GALNT13: variants seen among roughly 807,000 people sequenced by gnomAD.
The protein encoded by GALNT13 is polypeptide N-acetylgalactosaminyltransferase 13, also known as UDP-GalNAc:polypeptide N-acetylgalactosaminyltransferase 13.
A neutral mutation model predicts 64.2 loss-of-function variants in GALNT13; 28 were observed. The observed-to-expected ratio is 0.44, with a 90% CI of 0.32 to 0.60. The LOEUF (loss-of-function observed/expected upper bound fraction) is 0.60. Ranked by LOEUF, GALNT13 falls within the 20% of genes least tolerant of loss-of-function variation. The pLI is 0.05. For missense variants in GALNT13, 577 were observed against 669.8 expected (o/e 0.86, Z 1.53); for synonymous variants, 214 against 224.6 (o/e 0.95, Z 0.42).
At chr2:153,537,002 T>G in the GALNT13 span, among the ~76,000 whole-genome samples, 9 of 152,234 alleles carry the variant, frequency 5.9e-5, no homozygotes, top group Non-Finnish European at 8.8e-5. Flanking sequence ...GGGAAATCAC[T>G]GCGAGAACTT....
chr2:153,470,433 G>A, the GALNT13 span, among the ~76,000 whole-genome samples: 18 of 152,296 alleles, frequency 1.2e-4, no homozygotes, highest in African/African-American at 4.1e-4. Flanking sequence ...ATTGACACAA[G>A]ATGCCAACTG....
At chr2:153,089,459 G>T in the GALNT13 span, among the ~76,000 whole-genome samples, 1 of 152,106 alleles carries the variant, frequency 6.6e-6, no homozygotes, top group Non-Finnish European at 1.5e-5. Flanking sequence ...TGTAGGTGAA[G>T]ATCTTTTTGT....
At chr2:154,200,665 G>A (rs1401770524) in intron 4 of GALNT13, among the ~76,000 whole-genome samples, 2 of 152,140 alleles carry the variant, frequency 1.3e-5, no homozygotes, top group African/African-American at 4.8e-5. Context: ...AGAGGGCCAA[G>A]TATTGTGTGA....
chr2:154,446,770 G>T, intron 12 of GALNT13: 1 of 1,486,570 alleles, frequency 6.7e-7, no homozygotes. Flanking sequence ...TTGGAGGTTT[G>T]TGTTGCAGAT....
At chr2:153,805,327 T>C in the GALNT13 span, among the ~76,000 whole-genome samples, 1 of 152,038 alleles carries the variant, frequency 6.6e-6, no homozygotes, top group Admixed American at 6.5e-5. Flanking sequence ...CAATAATTTA[T>C]TCCAAAACGA....
chr2:153,641,649 G>T, the GALNT13 span, among the ~76,000 whole-genome samples: 1 of 152,034 alleles, frequency 6.6e-6, no homozygotes, highest in Non-Finnish European at 1.5e-5. Flanking sequence ...TCTCAGAGCA[G>T]CACTGTTAAT....
the GALNT13 span, among the ~76,000 whole-genome samples, chr2:153,821,982 C>T: frequency 2.3e-4 from 35 of 152,230 alleles, 1 homozygote; most frequent in African/African-American, 7.2e-4. Context: ...AGAAAATCTA[C>T]AGAAAATGGA....
At chr2:153,607,351 A>C in the GALNT13 span, among the ~76,000 whole-genome samples, 1 of 152,096 alleles carries the variant, frequency 6.6e-6, no homozygotes, top group African/African-American at 2.4e-5. Context: ...AATAAATATA[A>C]GGTAAAGTCA....
chr2:153,870,051 A>G (rs561719937), upstream of GALNT13, among the ~76,000 whole-genome samples: 12 of 152,050 alleles, frequency 7.9e-5, 1 homozygote, highest in Middle Eastern at 3.4e-3. Flanking sequence ...CACACCAGAC[A>G]AGTGAGTGAA....
chr2:154,028,688 A>T (rs1277971605), intron 3 of GALNT13, among the ~76,000 whole-genome samples: 1 of 152,120 alleles, frequency 6.6e-6, no homozygotes, highest in Admixed American at 6.6e-5. Context: ...TTATATTTTA[A>T]TCAAGGCTTT....
the GALNT13 span, among the ~76,000 whole-genome samples, chr2:153,783,956 A>G: frequency 0.012 from 1,770 of 152,288 alleles, 43 homozygotes; most frequent in African/African-American, 0.04. Flanking sequence ...AGTGACTCAT[A>G]CAGTAAACTG....
chr2:154,155,764 T>G lies in GALNT13; in HGVS notation c.311+15259T>G, dbSNP rs552282048. Among the ~76,000 whole-genome samples, 9 of 152,074 alleles carry G rather than the reference T, an allele frequency of 5.9e-5. 1 individual carries two copies. The highest frequency in any genetic ancestry group is 2.2e-4 in the African/African-American group (9 of 41,538). Reference sequence around the variant, plus strand: ...TGCTGTTTAAATTAGAAAATTTATATTTGGACTTTGAATTTTAATATTTAA... The same window carrying G: ...TGCTGTTTAAATTAGAAAATTTATAGTTGGACTTTGAATTTTAATATTTAA... On this transcript the variant is annotated intron_variant, in intron 4 of 12. Coordinates refer to ENST00000392825, the MANE Select transcript of GALNT13 (RefSeq NM_052917.4).
chr2:153,655,245 T>G, the GALNT13 span, among the ~76,000 whole-genome samples: 1 of 152,240 alleles, frequency 6.6e-6, no homozygotes, highest in East Asian at 1.9e-4. Context: ...ACTTGAGATA[T>G]TAAACATTTT....
At chr2:153,706,639 A>G in the GALNT13 span, among the ~76,000 whole-genome samples, 1 of 152,244 alleles carries the variant, frequency 6.6e-6, no homozygotes, top group South Asian at 2.1e-4. Flanking sequence ...AGACCTTTAC[A>G]TTTCTGGACA....
chr2:153,743,523 TTA>T, the GALNT13 span, among the ~76,000 whole-genome samples: 42 of 15,058 alleles, frequency 2.8e-3, no homozygotes, highest in African/African-American at 5.5e-3. Context: ...AGCTTTTTGT[TTA>T]TTTATCTATT....
At chr2:153,644,860 A>G in the GALNT13 span, among the ~76,000 whole-genome samples, 1 of 152,216 alleles carries the variant, frequency 6.6e-6, no homozygotes, top group Non-Finnish European at 1.5e-5. Flanking sequence ...TTGGCTTTTT[A>G]TATTGTTTCT....
chr2:153,288,835 T>C, the GALNT13 span, among the ~76,000 whole-genome samples: 1 of 152,200 alleles, frequency 6.6e-6, no homozygotes, highest in Non-Finnish European at 1.5e-5. Flanking sequence ...TAAGGGATCT[T>C]GAAATGTATC....
chr2:153,814,826 T>A, the GALNT13 span, among the ~76,000 whole-genome samples: 2 of 152,240 alleles, frequency 1.3e-5, no homozygotes. Flanking sequence ...ATTTGATATA[T>A]ACATGTATTA....
chr2:153,371,916 T>C, the GALNT13 span, among the ~76,000 whole-genome samples: 40 of 152,320 alleles, frequency 2.6e-4, no homozygotes, highest in African/African-American at 9.4e-4. Flanking sequence ...GCTTGTGCAT[T>C]AGTGGGCTTC....
Sources: gnomAD v4.1 joint callset for allele counts (sites outside exome capture counted in the v4.1 genomes callset) on GRCh38, gnomAD v4.1.1 for gene constraint, MANE v1.5 for transcripts, NCBI Gene and HGNC (gene_info 2026-07-23, HGNC 2026-07-21) for gene names.